RBFOX1: variants seen among roughly 807,000 people sequenced by gnomAD.
The protein encoded by RBFOX1 is RNA binding fox-1 homolog 1.
A neutral mutation model predicts 57.7 loss-of-function variants in RBFOX1; 8 were observed. That is an observed-to-expected ratio of 0.14 (90% CI 0.08 to 0.25). The LOEUF is 0.25. Among genes scored for constraint, RBFOX1 ranks in the 10% least tolerant of loss-of-function variants. The pLI, the probability that RBFOX1 is intolerant of heterozygous loss-of-function variation, is 1.00. For missense variants in RBFOX1, 611 were observed against 548.5 expected (o/e 1.11, Z -1.14); for synonymous variants, 326 against 222.4 (o/e 1.47, Z -4.15).
At chr16:5,976,031 C>G (rs1350973552) in intron 4 of RBFOX1, among the ~76,000 whole-genome samples, 4 of 151,946 alleles carry the variant, frequency 2.6e-5, no homozygotes, top group Admixed American at 2.6e-4. Context: ...GTAGTCCTAG[C>G]CACTCAGGAG....
intron 3 of RBFOX1, among the ~76,000 whole-genome samples, chr16:6,828,888 A>G (rs1344599345): frequency 4.6e-5 from 7 of 152,196 alleles, no homozygotes; most frequent in Admixed American, 6.5e-5. Flanking sequence ...AAAGAAACAC[A>G]TAAAGGTAGC....
At chr16:6,528,536 C>T (rs778027211) in intron 2 of RBFOX1, among the ~76,000 whole-genome samples, 5 of 152,200 alleles carry the variant, frequency 3.3e-5, no homozygotes, top group South Asian at 2.1e-4. Flanking sequence ...GTCCTTCACA[C>T]GTCCTATATT....
chr16:6,953,927 C>T (rs1049718818), intron 3 of RBFOX1, among the ~76,000 whole-genome samples: 1 of 152,194 alleles, frequency 6.6e-6, no homozygotes, highest in African/African-American at 2.4e-5. Flanking sequence ...AATTGCATCT[C>T]TTTCCTGACA....
chr16:5,710,859 G>A (rs1429640329), intron 3 of RBFOX1, among the ~76,000 whole-genome samples: 2 of 152,212 alleles, frequency 1.3e-5, no homozygotes, highest in East Asian at 1.9e-4. Flanking sequence ...AAGACCTGGG[G>A]GAGCCAGAAA....
Position 7,694,919 on chromosome 16 carries a change from G to C in RBFOX1, c.996-14137G>C, listed in dbSNP as rs528209075. ...TCTGTTAACCCCTGTGCATGTTCCA[G>C]TATGTTAGGTTATATTTGGACATCT... On this transcript the variant is annotated intron_variant, in intron 14 of 15. Transcript: ENST00000550418. Among the ~76,000 whole-genome samples, 5 of 152,284 alleles carry C rather than the reference G, an allele frequency of 3.3e-5. No individual in the cohort carries two copies. The South Asian group carries it at 1.0e-3, about 32-fold the overall frequency.
chr16:6,051,739 C>T lies in RBFOX1; in HGVS notation c.-127+31747C>T, dbSNP rs181832900. On this transcript the variant is annotated intron_variant, in intron 1 of 15. Transcript: ENST00000550418. The stretch of plus-strand genomic sequence containing the variant: ...CCACCATGCCCAGCTAATTTTTGTA[C>T]TTTTAGTAGAGACAGGGTTTCATCA... Among the ~76,000 whole-genome samples, 107 of 152,188 alleles carry T rather than the reference C, an allele frequency of 7.0e-4. 1 individual carries two copies. The highest frequency in any genetic ancestry group is 2.4e-3 in the African/African-American group (101 of 41,562).
intron 3 of RBFOX1, among the ~76,000 whole-genome samples, chr16:5,648,194 G>A (rs1373868265): frequency 6.6e-6 from 1 of 152,008 alleles, no homozygotes; most frequent in Non-Finnish European, 1.5e-5. Flanking sequence ...CACTAACCAC[G>A]ACAATACATA....
intron 1 of RBFOX1, among the ~76,000 whole-genome samples, chr16:6,058,125 A>G (rs2095637245): frequency 6.6e-6 from 1 of 152,108 alleles, no homozygotes; most frequent in Non-Finnish European, 1.5e-5. Context: ...AGAGTTTTTG[A>G]GCACGTGATG....
At chr16:6,884,070 G>T (rs1212632372) in intron 3 of RBFOX1, among the ~76,000 whole-genome samples, 1 of 152,142 alleles carries the variant, frequency 6.6e-6, no homozygotes, top group Non-Finnish European at 1.5e-5. Flanking sequence ...GCAGAGCGGT[G>T]GCTGCTGTGT....
At chr16:7,457,847 C>T (rs550741150) in intron 4 of RBFOX1, among the ~76,000 whole-genome samples, 1 of 152,264 alleles carries the variant, frequency 6.6e-6, no homozygotes, top group East Asian at 1.9e-4. Flanking sequence ...TTGATATGAT[C>T]CACTTGGCCA....
At chr16:7,608,240 C>T (rs1056733966) in intron 10 of RBFOX1, among the ~76,000 whole-genome samples, 4 of 152,156 alleles carry the variant, frequency 2.6e-5, no homozygotes, top group African/African-American at 9.7e-5. Context: ...TTTGTTTCTT[C>T]CTGGGCTGCC....
At chr16:5,943,541 C>T (rs940817201) in intron 4 of RBFOX1, among the ~76,000 whole-genome samples, 2 of 152,182 alleles carry the variant, frequency 1.3e-5, no homozygotes, top group African/African-American at 4.8e-5. Context: ...AAGAAGAGGT[C>T]AAGACACAGC....
chr16:5,375,624 C>T (rs376503062), intron 1 of RBFOX1, among the ~76,000 whole-genome samples: 3 of 152,190 alleles, frequency 2.0e-5, no homozygotes, highest in Non-Finnish European at 2.9e-5. Context: ...TGGACACTAA[C>T]ACTAATGTTG....
At chr16:7,654,019 C>G in intron 12 of RBFOX1, 72 bp downstream of exon 12, 3 of 1,422,190 alleles carry the variant, frequency 2.1e-6, no homozygotes, top group Non-Finnish European at 2.8e-6. Context: ...GAGCTGTTTG[C>G]GAGCGCATGA....
At chr16:7,010,609 G>T (rs1315936540) in intron 3 of RBFOX1, among the ~76,000 whole-genome samples, 1 of 152,060 alleles carries the variant, frequency 6.6e-6, no homozygotes, top group Non-Finnish European at 1.5e-5. Context: ...GAGTGTGGTG[G>T]AGTGATCTTG....
At chr16:5,534,494 A>G (rs2151042758) in intron 2 of RBFOX1, among the ~76,000 whole-genome samples, 1 of 152,288 alleles carries the variant, frequency 6.6e-6, no homozygotes, top group South Asian at 2.1e-4. Context: ...CCACTGGTGT[A>G]AATCTAAGAG....
intron 4 of RBFOX1, among the ~76,000 whole-genome samples, chr16:7,438,997 G>C (rs956848883): frequency 6.6e-6 from 1 of 152,184 alleles, no homozygotes; most frequent in Admixed American, 6.5e-5. Flanking sequence ...TTTAATGAGG[G>C]CAGGTCGCGC....
intron 1 of RBFOX1, among the ~76,000 whole-genome samples, chr16:6,292,045 G>T (rs2077523443): frequency 6.6e-6 from 1 of 152,126 alleles, no homozygotes; most frequent in Non-Finnish European, 1.5e-5. Context: ...TCCACTGTCA[G>T]TGAATACTGC....
In RBFOX1 at chr16:5,856,601, A is replaced by ATATATATATATATATATATATG. The variant is rs1321996342; in HGVS notation, c.319-10698_319-10697insTATATATATATATATATGTATA. On this transcript the variant is annotated intron_variant, in intron 3 of 19. Transcript: ENST00000641259. ...TATATATATATATATATATATATAT[A>ATATATATATATATATATATATG]TATAATCTTAGCCAGATCTTCTGGA... 5.8e-4 allele frequency among the ~76,000 whole-genome samples: 62 copies of ATATATATATATATATATATATG among 107,284 alleles called. 2 individuals are homozygous for ATATATATATATATATATATATG. The highest frequency in any genetic ancestry group is 2.1e-3 in the African/African-American group (58 of 27,520). The allele number at this position is 107,284 out of a possible 152,430, so 70.4% of individuals were successfully genotyped here. A position where few individuals can be genotyped will look rare whatever the true frequency, so the allele number is the denominator to read the frequency against.
Sources: allele counts gnomAD v4.1 joint callset (sites outside exome capture counted in the v4.1 genomes callset), GRCh38; gene constraint gnomAD v4.1.1; transcripts MANE v1.5; gene names NCBI Gene and HGNC (gene_info 2026-07-23, HGNC 2026-07-21).